The following LMX1A variants were observed in gnomAD, a reference collection of about 807,000 sequenced individuals.
LMX1A encodes LIM homeobox transcription factor 1 alpha.
Under a neutral mutation model 49.1 loss-of-function variants are expected in LMX1A, and 15 were observed. The observed-to-expected ratio is 0.31, with a 90% CI of 0.20 to 0.47. The LOEUF is 0.47. Among genes scored for constraint, LMX1A ranks in the 20% least tolerant of loss-of-function variants. The pLI is 1.00. For synonymous variants in LMX1A, 167 were observed against 185.7 expected, an observed-to-expected ratio of 0.90 and a Z score of 0.82; for missense variants, 372 against 475.8, an observed-to-expected ratio of 0.78 and a Z score of 2.03.
At chr1:165,289,680 G>A (rs1044596986) in intron 3 of LMX1A, among the ~76,000 whole-genome samples, 10 of 152,258 alleles carry the variant, frequency 6.6e-5, no homozygotes, top group African/African-American at 2.4e-4. Flanking sequence ...CGGAGTCAGA[G>A]AGCTGAGTCT....
chr1:165,270,668 T>C (rs951373869), intron 3 of LMX1A, among the ~76,000 whole-genome samples: 2 of 152,178 alleles, frequency 1.3e-5, no homozygotes, highest in African/African-American at 4.8e-5. Flanking sequence ...TTGAGTGGGA[T>C]GGAAGAGGGC....
intron 3 of LMX1A, among the ~76,000 whole-genome samples, chr1:165,285,303 G>T (rs1654273015): frequency 6.6e-6 from 1 of 152,228 alleles, no homozygotes; most frequent in Non-Finnish European, 1.5e-5. Context: ...TGTGGGCCCT[G>T]TAGGATGAGT....
chr1:165,282,861 G>A (rs1470472758), intron 3 of LMX1A, among the ~76,000 whole-genome samples: 1 of 152,194 alleles, frequency 6.6e-6, no homozygotes, highest in Non-Finnish European at 1.5e-5. Flanking sequence ...AAGGCAGTCA[G>A]AGTAATCTTT....
intron 4 of LMX1A, among the ~76,000 whole-genome samples, chr1:165,223,709 T>G (rs188723818): frequency 5.3e-5 from 8 of 152,114 alleles, no homozygotes; most frequent in Admixed American, 4.6e-4. Flanking sequence ...CTTTAGTTAC[T>G]CAAGCATATT....
intron 3 of LMX1A, among the ~76,000 whole-genome samples, chr1:165,347,877 TC>T (rs1656296075): frequency 6.6e-6 from 1 of 152,214 alleles, no homozygotes; most frequent in Non-Finnish European, 1.5e-5. Flanking sequence ...CCAAATAATT[TC>T]TTTGACCATA....
chr1:165,225,574 G>A (rs1359511084), intron 4 of LMX1A, among the ~76,000 whole-genome samples: 1 of 152,112 alleles, frequency 6.6e-6, no homozygotes, highest in Admixed American at 6.5e-5. Flanking sequence ...TTGAAATAGG[G>A]GTTAGAGGAA....
In LMX1A at chr1:165,294,761, C is replaced by T. The variant is rs189387123; in HGVS notation, c.264-45121G>A. Among the ~76,000 whole-genome samples, 22 of 152,248 alleles carry T rather than the reference C, an allele frequency of 1.4e-4. No individual in the cohort carries two copies. In the East Asian group the frequency reaches 2.3e-3, roughly 16 times the overall value. On this transcript the variant is annotated intron_variant, in intron 3 of 8. Coordinates refer to ENST00000342310, the MANE Select transcript of LMX1A (RefSeq NM_177398.4). ...GGCGGATCACTTGAGGTCAGGAATTCGAGAACAGCCTGGCAAACATGGTGA... is the reference window on the plus strand; with the variant it reads ...GGCGGATCACTTGAGGTCAGGAATTTGAGAACAGCCTGGCAAACATGGTGA...
chr1:165,210,451 C>T (rs1651330259), intron 6 of LMX1A, among the ~76,000 whole-genome samples: 1 of 152,210 alleles, frequency 6.6e-6, no homozygotes, highest in Non-Finnish European at 1.5e-5. Flanking sequence ...ATACAGATGG[C>T]TGGCCAAAAC....
At chr1:165,236,844 A>T (rs1391556161) in intron 4 of LMX1A, among the ~76,000 whole-genome samples, 1 of 74,544 alleles carries the variant, frequency 1.3e-5, no homozygotes, top group African/African-American at 5.8e-5. Flanking sequence ...ATTCCACAGG[A>T]GTTCAAAGTT....
intron 4 of LMX1A, 66 bp downstream of exon 4, chr1:165,249,342 T>C: frequency 8.8e-7 from 1 of 1,137,798 alleles, no homozygotes; most frequent in East Asian, 2.4e-5. Context: ...GAAGAAACAA[T>C]GCAGACAGCC....
chr1:165,234,510 G>T (rs1247424769), intron 4 of LMX1A, among the ~76,000 whole-genome samples: 4 of 152,120 alleles, frequency 2.6e-5, no homozygotes, highest in African/African-American at 9.7e-5. Context: ...GAACCTGGGG[G>T]TCTGGAAAAG....
chr1:165,272,421 G>A (rs1653823574), intron 3 of LMX1A, among the ~76,000 whole-genome samples: 1 of 152,180 alleles, frequency 6.6e-6, no homozygotes, highest in Non-Finnish European at 1.5e-5. Flanking sequence ...GCAGGGCAAA[G>A]TAAGGGTGGC....
intron 4 of LMX1A, chr1:165,218,290 T>G (rs1019286867): frequency 6.6e-6 from 1 of 152,272 alleles, no homozygotes; most frequent in African/African-American, 2.4e-5. Flanking sequence ...CAATAACATA[T>G]ATGCATTTAA....
chr1:165,343,441 T>A (rs1261601500), intron 3 of LMX1A, among the ~76,000 whole-genome samples: 2 of 151,364 alleles, frequency 1.3e-5, no homozygotes, highest in African/African-American at 4.9e-5. Flanking sequence ...TAACACCCAA[T>A]CCTGTAGAGT....
chr1:165,319,081 A>G (rs1366746436), intron 3 of LMX1A, among the ~76,000 whole-genome samples: 1 of 152,018 alleles, frequency 6.6e-6, no homozygotes, highest in Non-Finnish European at 1.5e-5. Flanking sequence ...CCTTAACATG[A>G]TAAAGAATGG....
chr1:165,275,637 C>T lies in LMX1A; in HGVS notation c.264-25997G>A, dbSNP rs923819257. On this transcript the variant is annotated intron_variant, in intron 3 of 8. Transcript: ENST00000342310. The stretch of plus-strand genomic sequence containing the variant: ...TCCTTATTTCTATAGCAAATCAATT[C>T]ATCAAACAAGAAGTAATCCTTCTCC... Among the ~76,000 whole-genome samples, 8 of 152,156 alleles carry T rather than the reference C, an allele frequency of 5.3e-5. No individual in the cohort carries two copies. The South Asian group carries it at 1.7e-3, about 31-fold the overall frequency.
rs942572224 is a variant in LMX1A at position 165,245,646 on chromosome 1, T to C, written c.496+3762A>G. Among the ~76,000 whole-genome samples the C allele has an allele frequency of 5.5e-5, 8 of 144,232 alleles. 1 individual carries two copies. The highest frequency in any genetic ancestry group is 3.5e-4 in the Admixed American group (5 of 14,298). The allele number at this position is 144,232 out of a possible 152,430, so 94.6% of individuals were successfully genotyped here. A position where few individuals can be genotyped will look rare whatever the true frequency, so the allele number is the denominator to read the frequency against. On this transcript the variant is annotated intron_variant, in intron 4 of 8. Transcript: ENST00000342310. ...CTGACCAGGGCAAAAAAAAAAAAAA[T>C]ACTGAAACTATAATTACACATTAGG...
intron 3 of LMX1A, among the ~76,000 whole-genome samples, chr1:165,311,018 A>G (rs1299182983): frequency 6.6e-6 from 1 of 152,170 alleles, no homozygotes; most frequent in Non-Finnish European, 1.5e-5. Context: ...TGACTTTCCC[A>G]CTTCTTTAAG....
chr1:165,208,970 A>G (rs1209323567), intron 6 of LMX1A, among the ~76,000 whole-genome samples: 1 of 152,128 alleles, frequency 6.6e-6, no homozygotes, highest in African/African-American at 2.4e-5. Context: ...TTTTAACTCA[A>G]TATTTCTCAA....
Sources: allele counts gnomAD v4.1 joint callset (sites outside exome capture counted in the v4.1 genomes callset), GRCh38; gene constraint gnomAD v4.1.1; transcripts MANE v1.5; gene names NCBI Gene and HGNC (gene_info 2026-07-23, HGNC 2026-07-21).